Variants in PARD3B observed in about 807,000 individuals in gnomAD.
The protein encoded by PARD3B is partitioning defective 3 homolog B.
A neutral mutation model predicts 130.2 loss-of-function variants in PARD3B; 103 were observed. The ratio of observed to expected loss-of-function variants is 0.79; its 90% CI spans 0.67 to 0.93. PARD3B has a LOEUF of 0.93. PARD3B is among the 40% of genes least tolerant of loss of function. PARD3B has a pLI of 0.00. For missense variants in PARD3B, 1,609 were observed against 1,499.2 expected (o/e 1.07, Z -1.21); for synonymous variants, 583 against 553.2 (o/e 1.05, Z -0.76).
rs1193957437 is a variant in PARD3B, at chr2:205,122,700, G to C, written c.1165+751G>C. On this transcript the variant is annotated intron_variant, in intron 8 of 22. Coordinates refer to ENST00000406610, the MANE Select transcript of PARD3B (RefSeq NM_001302769.2). The surrounding 1 kb of genome is among the most constrained non-coding windows in gnomAD (Gnocchi z 4.3). ...AGAAACCAAGATCTTATAGATTCTT[G>C]TCTGAATTAATAGAGAATTTATGGT... Among the ~76,000 whole-genome samples the C allele has an allele frequency of 2.6e-5, 4 of 152,108 alleles. No homozygotes were observed. The highest frequency in any genetic ancestry group is 1.3e-4 in the Admixed American group (2 of 15,278).
intron 1 of PARD3B, among the ~76,000 whole-genome samples, chr2:204,577,146 C>T (rs190243672): frequency 6.6e-6 from 1 of 152,102 alleles, no homozygotes; most frequent in Non-Finnish European, 1.5e-5. Context: ...CAGGCTAGAG[C>T]TAACAAATAT....
chr2:205,113,536 G>A lies in PARD3B; in HGVS notation c.639G>A (p.Leu213=). The part of the protein sequence containing the change: ...TVEISGEGGP[L]GIHVVPFFSS... Reference sequence around the variant, plus strand: ...AGATTTCTGGGGAAGGAGGCCCATTGGGAATACATGTAGTGCCCTTCTTTT... The same window carrying A: ...AGATTTCTGGGGAAGGAGGCCCATTAGGAATACATGTAGTGCCCTTCTTTT... The change falls in exon 6 of 23, where the codon TTG becomes TTA. Residue 213 remains leucine, a synonymous_variant. Coordinates refer to ENST00000406610, the MANE Select transcript of PARD3B (RefSeq NM_001302769.2). 1 of 1,613,266 alleles carries A rather than the reference G, an allele frequency of 6.2e-7. No individual in the cohort carries two copies. The highest frequency in any genetic ancestry group is 1.7e-4 in the Middle Eastern group (1 of 6,060).
chr2:204,803,401 G>A (rs1468799502), intron 2 of PARD3B, among the ~76,000 whole-genome samples: 1 of 151,932 alleles, frequency 6.6e-6, no homozygotes, highest in Non-Finnish European at 1.5e-5. Context: ...TTATGACATT[G>A]TAATTATGAT....
chr2:204,945,058 G>C lies in PARD3B; in HGVS notation c.223-20094G>C, dbSNP rs532802874. On this transcript the variant is annotated intron_variant, in intron 2 of 22. Coordinates refer to ENST00000406610, the MANE Select transcript of PARD3B (RefSeq NM_001302769.2). Reference sequence around the variant, plus strand: ...CATACCATTTTTGCATAGTGTGTCTGTTTACATCAGAAAAAGATTTAAGGT... The same window carrying C: ...CATACCATTTTTGCATAGTGTGTCTCTTTACATCAGAAAAAGATTTAAGGT... Among the ~76,000 whole-genome samples, 200 of 152,334 alleles carry C rather than the reference G, an allele frequency of 1.3e-3. 1 individual carries two copies. The highest frequency in any genetic ancestry group is 4.5e-3 in the African/African-American group (187 of 41,578).
rs146069572 is a variant in PARD3B at position 205,101,536 on chromosome 2, C to T, written c.505-2890C>T. ...AGCAACAATTCCACTCCACAGCGTA[C>T]GCCAGAGAACAGAAAGCATATGTTC... On this transcript the variant is annotated intron_variant, in intron 4 of 22. Coordinates refer to ENST00000406610, the MANE Select transcript of PARD3B (RefSeq NM_001302769.2). Among the ~76,000 whole-genome samples, 233 of 152,214 alleles carry T rather than the reference C, an allele frequency of 1.5e-3. 1 individual carries two copies. The highest frequency in any genetic ancestry group is 5.2e-3 in the African/African-American group (218 of 41,528).
intron 2 of PARD3B, among the ~76,000 whole-genome samples, chr2:204,934,544 G>A (rs1009930206): frequency 1.3e-5 from 2 of 152,136 alleles, no homozygotes; most frequent in Admixed American, 1.3e-4. Context: ...TGAATTAGCA[G>A]ATATGCCTCT....
intron 10 of PARD3B, among the ~76,000 whole-genome samples, chr2:205,156,196 G>C: frequency 6.8e-6 from 1 of 146,964 alleles, no homozygotes; most frequent in Non-Finnish European, 1.5e-5. Context: ...CTCACTCATA[G>C]GTGGGAATTG....
intron 20 of PARD3B, among the ~76,000 whole-genome samples, chr2:205,485,410 A>T (rs1442435599): frequency 6.6e-6 from 1 of 152,164 alleles, no homozygotes; most frequent in Non-Finnish European, 1.5e-5. Flanking sequence ...GCCAACAAGT[A>T]GGGAGATTGA....
chr2:204,929,600 T>C (rs1262503012), intron 2 of PARD3B, among the ~76,000 whole-genome samples: 1 of 152,034 alleles, frequency 6.6e-6, no homozygotes, highest in East Asian at 1.9e-4. Flanking sequence ...TTTGAAGAAG[T>C]TTCAATAAAT....
intron 21 of PARD3B, among the ~76,000 whole-genome samples, chr2:205,549,240 C>A (rs187571175): frequency 2.0e-5 from 3 of 152,210 alleles, no homozygotes; most frequent in South Asian, 2.1e-4. Context: ...TGGTTTCTTG[C>A]GAAACTAAAC....
chr2:204,926,789 T>C (rs1410959602), intron 2 of PARD3B, among the ~76,000 whole-genome samples: 1 of 152,164 alleles, frequency 6.6e-6, no homozygotes, highest in Non-Finnish European at 1.5e-5. Context: ...TATAGCATAC[T>C]CTTCAAGCCA....
In PARD3B at chr2:205,199,948, A is replaced by G. The variant is rs112945948; in HGVS notation, c.2140+6628A>G. On this transcript the variant is annotated intron_variant, in intron 15 of 22. Transcript: ENST00000406610. ...ACAACTGGTAATCTCAATGCTGATC[A>G]TCAGATTTCCATGTTTGTGAAATTA... Among the ~76,000 whole-genome samples the G allele has an allele frequency of 7.7e-3, 1,174 of 152,078 alleles. 16 individuals carry two copies. The highest frequency in any genetic ancestry group is 0.014 in the Middle Eastern group (4 of 294).
chr2:205,098,324 A>T (rs1279003496), intron 4 of PARD3B, among the ~76,000 whole-genome samples: 1 of 152,150 alleles, frequency 6.6e-6, no homozygotes, highest in Non-Finnish European at 1.5e-5. Context: ...GTTAAATTTT[A>T]TGGGCAAGTG....
At chr2:205,462,379 T>C (rs948086376) in intron 20 of PARD3B, among the ~76,000 whole-genome samples, 3 of 152,362 alleles carry the variant, frequency 2.0e-5, no homozygotes, top group Admixed American at 6.5e-5. Flanking sequence ...ATTACAGTCT[T>C]AATGTTTTTT....
At chr2:205,037,389 A>T in intron 3 of PARD3B, among the ~76,000 whole-genome samples, 1 of 145,872 alleles carries the variant, frequency 6.9e-6, no homozygotes, top group Admixed American at 7.0e-5. Context: ...ATTTGTATAA[A>T]ATATATATAT....
intron 15 of PARD3B, among the ~76,000 whole-genome samples, chr2:205,209,111 C>A (rs2037482619): frequency 7.4e-6 from 1 of 134,764 alleles, no homozygotes; most frequent in South Asian, 2.5e-4. Context: ...GAAAAACAAG[C>A]AATGGGGAAA....
Position 205,405,360 on chromosome 2 carries a change from C to G in PARD3B, c.2741+4237C>G, listed in dbSNP as rs1409909973. Among the ~76,000 whole-genome samples the G allele has an allele frequency of 6.6e-6, 1 of 152,146 alleles. No individual in the cohort carries two copies. The highest frequency in any genetic ancestry group is 2.4e-5 in the African/African-American group (1 of 41,434). On this transcript the variant is annotated intron_variant, in intron 19 of 22. Transcript: ENST00000406610. The surrounding 1 kb of genome is among the most constrained non-coding windows in gnomAD (Gnocchi z 4.1). ...TGCACAGGACAGCTACCCTCCCCCA[C>G]AACATGAATCATCCAACCCAAAATG... is the stretch of plus-strand genomic sequence containing the variant.
chr2:205,066,373 C>T (rs1700377894), intron 4 of PARD3B, among the ~76,000 whole-genome samples: 1 of 152,162 alleles, frequency 6.6e-6, no homozygotes. Context: ...AATATTCTCA[C>T]TCTCATGGAA....
At chr2:205,430,372 GTTGAAT>G (rs1454237020) in intron 19 of PARD3B, among the ~76,000 whole-genome samples, 3 of 152,160 alleles carry the variant, frequency 2.0e-5, no homozygotes, top group Admixed American at 6.5e-5. Context: ...CCTCAAAAAT[GTTGAAT>G]CTAACTAAGC....
Sources: gnomAD v4.1 joint callset for allele counts (sites outside exome capture counted in the v4.1 genomes callset) on GRCh38, gnomAD v4.1.1 for gene constraint, Gnocchi (gnomAD v3.1) non-coding constraint, MANE v1.5 for transcripts, NCBI Gene and HGNC (gene_info 2026-07-23, HGNC 2026-07-21) for gene names.